The following B3GAT2 variants were observed in gnomAD, a reference collection of about 807,000 sequenced individuals.
The protein encoded by B3GAT2 is galactosylgalactosylxylosylprotein 3-beta-glucuronosyltransferase 2.
In B3GAT2, 26 loss-of-function variants were observed where a neutral mutation model predicts 27.8. The observed-to-expected ratio is 0.93, with a 90% CI of 0.68 to 1.30. B3GAT2 has a LOEUF of 1.30. Among genes scored for constraint, B3GAT2 ranks in the 50% most tolerant of loss-of-function variants. The pLI is 0.00. For missense variants in B3GAT2, 458 were observed against 459.0 expected, an observed-to-expected ratio of 1.00 and a Z score of 0.02; for synonymous variants, 218 against 195.1, an observed-to-expected ratio of 1.12 and a Z score of -0.98.
At position 70,901,981 on chromosome 6, in the gene B3GAT2, C is replaced by T. The variant is rs578231942; in HGVS notation, c.592-7709G>A. Among the ~76,000 whole-genome samples, 43 of 152,198 alleles carry T rather than the reference C, an allele frequency of 2.8e-4. No individual in the cohort carries two copies. The South Asian group carries it at 8.3e-3, about 29-fold the overall frequency. ...AACATTAATAAATGAAAATGAACCACGTTGAAATTTTAGCCCGTTAGATTT... is the reference window on the plus strand; with the variant it reads ...AACATTAATAAATGAAAATGAACCATGTTGAAATTTTAGCCCGTTAGATTT... On this transcript the variant is annotated intron_variant, in intron 1 of 3. Transcript: ENST00000230053.
chr6:70,869,118 G>C (rs1432746838), intron 2 of B3GAT2, among the ~76,000 whole-genome samples: 1 of 152,130 alleles, frequency 6.6e-6, no homozygotes, highest in East Asian at 1.9e-4. Flanking sequence ...TTTCTACACT[G>C]TCAGTTCTAT....
At chr6:70,933,534 G>A (rs1773092595) in intron 1 of B3GAT2, among the ~76,000 whole-genome samples, 2 of 152,190 alleles carry the variant, frequency 1.3e-5, no homozygotes, top group Non-Finnish European at 2.9e-5. Flanking sequence ...TCCCAAGAAT[G>A]TCTCTAGCAC....
At position 70,956,702 on chromosome 6, in the gene B3GAT2, G is replaced by C. The variant is rs1765663992; in HGVS notation, c.-273C>G. ...GGTGAGCTGGCGGGAAGCGGGACTC[G>C]GTCCAGCCGCGCGCCGCCGGTCCCG... On this transcript the variant is annotated 5_prime_UTR_variant, in exon 1 of 4. Coordinates refer to ENST00000230053, the MANE Select transcript of B3GAT2 (RefSeq NM_080742.3). 1 of 1,317,492 alleles carries C rather than the reference G, an allele frequency of 7.6e-7. No individual in the cohort carries two copies. The highest frequency in any genetic ancestry group is 9.7e-7 in the Non-Finnish European group (1 of 1,032,820). 81.6% of individuals were successfully genotyped at this position (1,317,492 alleles called of 1,614,324 possible). A position where few individuals can be genotyped will look rare whatever the true frequency, so the allele number is the denominator to read the frequency against.
intron 2 of B3GAT2, among the ~76,000 whole-genome samples, chr6:70,888,218 G>A (rs2150029204): frequency 6.8e-6 from 1 of 145,986 alleles, no homozygotes; most frequent in African/African-American, 2.7e-5. Flanking sequence ...TCAGTCAGGT[G>A]ATGTGATTTT....
At chr6:70,925,828 A>C (rs1224052029) in intron 1 of B3GAT2, among the ~76,000 whole-genome samples, 1 of 152,214 alleles carries the variant, frequency 6.6e-6, no homozygotes, top group Admixed American at 6.5e-5. Flanking sequence ...GAGATCTGGG[A>C]ATGGACAGAC....
chr6:70,929,540 C>T (rs1214102330), intron 1 of B3GAT2, among the ~76,000 whole-genome samples: 1 of 152,072 alleles, frequency 6.6e-6, no homozygotes, highest in East Asian at 1.9e-4. Flanking sequence ...CACAAGCTTT[C>T]CTATACACCA....
chr6:70,860,085 C>A lies in B3GAT2; in HGVS notation c.*1578G>T. The stretch of plus-strand genomic sequence containing the variant: ...ATTTGTATGGTACTCTGTTTTTATT[C>A]CAGTGCTTGGACTAGTTGTCACATT... On this transcript the variant is annotated 3_prime_UTR_variant, in exon 4 of 4. Coordinates refer to ENST00000230053, the MANE Select transcript of B3GAT2 (RefSeq NM_080742.3). The A allele has an allele frequency of 8.5e-7, 1 of 1,178,982 alleles. No homozygotes were observed. Among genetic ancestry groups the A allele is most frequent in the Non-Finnish European group, 1.2e-6 (1 of 858,040 alleles). The allele number at this position is 1,178,982 out of a possible 1,614,324, so 73.0% of individuals were successfully genotyped here. A position where few individuals can be genotyped will look rare whatever the true frequency, so the allele number is the denominator to read the frequency against.
chr6:70,894,389 A>C (rs757324944), intron 1 of B3GAT2, 117 bp from the exon 2 acceptor site: 4 of 1,171,306 alleles, frequency 3.4e-6, no homozygotes, highest in Non-Finnish European at 3.5e-6. Flanking sequence ...CAAAAGCTGA[A>C]GGTTTCAAAA....
Position 70,928,401 on chromosome 6 carries a change from T to A in B3GAT2, c.591+27438A>T, listed in dbSNP as rs1244552203. Among the ~76,000 whole-genome samples, 5 of 151,242 alleles carry A rather than the reference T, an allele frequency of 3.3e-5. No individual in the cohort carries two copies. In the East Asian group the frequency reaches 9.7e-4, roughly 29 times the overall value. ...TCAAAAAATCAATGAATCTAGGAAT[T>A]GGTTTTTTGAAAAGATCAACAAAAT... On this transcript the variant is annotated intron_variant, in intron 1 of 3. Coordinates refer to ENST00000230053, the MANE Select transcript of B3GAT2 (RefSeq NM_080742.3).
intron 1 of B3GAT2, among the ~76,000 whole-genome samples, chr6:70,897,916 A>G (rs749391622): frequency 6.6e-6 from 1 of 152,114 alleles, no homozygotes; most frequent in Non-Finnish European, 1.5e-5. Flanking sequence ...AAAATCAGCT[A>G]TGCATATATG....
At chr6:70,941,582 C>T (rs1158199860) in intron 1 of B3GAT2, among the ~76,000 whole-genome samples, 1 of 152,048 alleles carries the variant, frequency 6.6e-6, no homozygotes, top group Non-Finnish European at 1.5e-5. Context: ...ATGCTCATGA[C>T]ATTCTCTTTC....
At position 70,857,739 on chromosome 6, in the gene B3GAT2, C is replaced by T; in HGVS notation, c.*3924G>A. 3.3e-6 allele frequency: 2 copies of T among 603,610 alleles called. No homozygotes were observed. Among genetic ancestry groups the T allele is most frequent in the East Asian group, 2.8e-5 (1 of 35,884 alleles). The allele number at this position is 603,610 out of a possible 1,614,324, so 37.4% of individuals were successfully genotyped here. ...CTCAGGTTAATAACTGATTTGTCTGCATCCTAGAAACAACCAGCTCTCAGG... is the reference window on the plus strand; with the variant it reads ...CTCAGGTTAATAACTGATTTGTCTGTATCCTAGAAACAACCAGCTCTCAGG... On this transcript the variant is annotated 3_prime_UTR_variant, in exon 4 of 4. Coordinates refer to ENST00000230053, the MANE Select transcript of B3GAT2 (RefSeq NM_080742.3).
chr6:70,914,970 G>A (rs1176992832), intron 1 of B3GAT2, among the ~76,000 whole-genome samples: 1 of 152,126 alleles, frequency 6.6e-6, no homozygotes, highest in African/African-American at 2.4e-5. Context: ...AGATCCTTGA[G>A]GAATCGCCAC....
At chr6:70,921,002 C>A (rs1772859090) in intron 1 of B3GAT2, among the ~76,000 whole-genome samples, 1 of 152,194 alleles carries the variant, frequency 6.6e-6, no homozygotes, top group Non-Finnish European at 1.5e-5. Flanking sequence ...TTCTGTTAGC[C>A]TCATCGGAAT....
chr6:70,956,018 T>C lies in B3GAT2; in HGVS notation c.412A>G (p.Thr138Ala), dbSNP rs1181175419. 1.3e-6 allele frequency: 2 copies of C among 1,522,542 alleles called. No individual in the cohort carries two copies. The highest frequency in any genetic ancestry group is 1.7e-6 in the Non-Finnish European group (2 of 1,142,932). The allele number at this position is 1,522,542 out of a possible 1,614,324, so 94.3% of individuals were successfully genotyped here. The change falls in exon 1 of 4, where the codon ACT (threonine) becomes GCT (alanine). Residue 138 changes from threonine to alanine, a missense_variant. Physicochemically the swap from Thr to Ala is moderately conservative, Grantham distance 58. Coordinates refer to ENST00000230053, the MANE Select transcript of B3GAT2 (RefSeq NM_080742.3). ...CGCGGCGTGGGCACGTGCAGGTGAGTGCTGGGCAGCCCGGCCCGCGCCAGG... is the reference window on the plus strand; with the variant it reads ...CGCGGCGTGGGCACGTGCAGGTGAGCGCTGGGCAGCCCGGCCCGCGCCAGG... ...RFLARAGLPS[T>A]HLHVPTPRRY...
intron 1 of B3GAT2, among the ~76,000 whole-genome samples, chr6:70,936,837 A>G (rs1388759446): frequency 1.3e-5 from 2 of 152,174 alleles, no homozygotes; most frequent in East Asian, 1.9e-4. Flanking sequence ...CATCACAATT[A>G]AAAGAACTAA....
At chr6:70,922,850 A>G (rs1455621359) in intron 1 of B3GAT2, among the ~76,000 whole-genome samples, 1 of 152,216 alleles carries the variant, frequency 6.6e-6, no homozygotes, top group Non-Finnish European at 1.5e-5. Context: ...GACAATAGAG[A>G]AAAAGCAAAG....
chr6:70,871,232 T>C (rs1771931629), intron 2 of B3GAT2, among the ~76,000 whole-genome samples: 2 of 143,786 alleles, frequency 1.4e-5, no homozygotes, highest in Admixed American at 7.1e-5. Flanking sequence ...GTTTTTTTTT[T>C]TTCTTCGTGA....
intron 1 of B3GAT2, among the ~76,000 whole-genome samples, chr6:70,951,560 G>T (rs1315001250): frequency 6.6e-6 from 1 of 152,122 alleles, no homozygotes; most frequent in African/African-American, 2.4e-5. Flanking sequence ...AAGACAATAG[G>T]AAGAGGCAGA....
Sources: allele counts gnomAD v4.1 joint callset (sites outside exome capture counted in the v4.1 genomes callset), GRCh38; gene constraint gnomAD v4.1.1; transcripts MANE v1.5; gene names NCBI Gene and HGNC (gene_info 2026-07-23, HGNC 2026-07-21).